The following TIAM2 variants were observed in gnomAD, a reference collection of about 807,000 sequenced individuals.
TIAM2 encodes the protein rho guanine nucleotide exchange factor TIAM2.
In TIAM2, 80 loss-of-function variants were observed where a neutral mutation model predicts 152.9. That is an observed-to-expected ratio of 0.52 (90% CI 0.44 to 0.63). The LOEUF (loss-of-function observed/expected upper bound fraction) is 0.63, where lower values mean the gene tolerates loss of function less well. Ranked by LOEUF, TIAM2 falls within the 30% of genes least tolerant of loss-of-function variation. The pLI is 0.00. For synonymous variants in TIAM2, 804 were observed against 838.0 expected, an observed-to-expected ratio of 0.96 and a Z score of 0.70; for missense variants, 1,965 against 2,120.1, an observed-to-expected ratio of 0.93 and a Z score of 1.44.
At chr6:155,089,218 CG>C (rs1283516766) in intron 1 of TIAM2, among the ~76,000 whole-genome samples, 2 of 131,500 alleles carry the variant, frequency 1.5e-5, no homozygotes, top group Non-Finnish European at 3.2e-5. Flanking sequence ...TGTTTTTTTT[CG>C]GGGGGGTGGG....
chr6:155,252,957 T>G lies in TIAM2; in HGVS notation c.4129T>G (p.Ser1377Ala). 1 of 1,613,976 alleles carries G rather than the reference T, an allele frequency of 6.2e-7. No individual in the cohort carries two copies. The highest frequency in any genetic ancestry group is 8.5e-7 in the Non-Finnish European group (1 of 1,179,938). The change falls in exon 24 of 27, where the codon TCC becomes GCC. Residue 1377 changes from serine (S) to alanine (A), a missense_variant. Coordinates refer to ENST00000682666, the MANE Select transcript of TIAM2 (RefSeq NM_012454.4). ...CKLKKKLPSNSRPAHNSTDLD... is the reference protein window; with the variant it reads ...CKLKKKLPSNARPAHNSTDLD... ...GGCCTTCATGTTACAGCCCTCGAAT[T>G]CCCGGCCTGCACACAACTCTACTGA...
intron 1 of TIAM2, among the ~76,000 whole-genome samples, chr6:155,045,562 T>C (rs903626809): frequency 6.6e-6 from 1 of 152,076 alleles, no homozygotes; most frequent in Admixed American, 6.6e-5. Flanking sequence ...CTCAAATAAG[T>C]TGTGATTTTA....
Position 155,179,021 on chromosome 6 carries a change from CTG to C in TIAM2, c.2524-16_2524-15del. ...GAAAGAGCATTTAAAATCTGAATAA[CTG>C]TCTTTTTCTTTATAGATGAGGCAGT... On this transcript the variant is annotated splice_polypyrimidine_tract_variant and intron_variant, in intron 10 of 26. Transcript: ENST00000682666. 6.3e-7 allele frequency: 1 copy of C among 1,576,486 alleles called. No homozygotes were observed. The highest frequency in any genetic ancestry group is 8.7e-7 in the Non-Finnish European group (1 of 1,151,484).
chr6:155,039,256 T>G (rs780820557), intron 1 of TIAM2, among the ~76,000 whole-genome samples: 17 of 151,980 alleles, frequency 1.1e-4, no homozygotes, highest in Admixed American at 2.0e-4. Flanking sequence ...CCACTATGCC[T>G]GAACCTGTCT....
chr6:155,190,243 CA>C (rs1267153055), intron 14 of TIAM2, among the ~76,000 whole-genome samples: 1 of 152,206 alleles, frequency 6.6e-6, no homozygotes. Flanking sequence ...TCTCTGATCC[CA>C]CCACTCTAGC....
At chr6:155,019,332 T>TA (rs1212661228) in intron 1 of TIAM2, among the ~76,000 whole-genome samples, 1 of 150,650 alleles carries the variant, frequency 6.6e-6, no homozygotes, top group Non-Finnish European at 1.5e-5. Context: ...AGACTCCATC[T>TA]AAAAAAAAGA....
chr6:155,193,367 C>T (rs58892518), intron 14 of TIAM2, among the ~76,000 whole-genome samples: 30,299 of 151,782 alleles, frequency 0.2, 3,199 homozygotes, highest in African/African-American at 0.25. Flanking sequence ...ATTGTGCCAC[C>T]GCACTCAGCC....
At chr6:155,249,742 G>T (rs1307277958) in intron 20 of TIAM2, 109 bp from the exon 21 acceptor site, 2 of 832,692 alleles carry the variant, frequency 2.4e-6, no homozygotes, top group African/African-American at 3.4e-5. Context: ...CTGCTAGTGG[G>T]TACTGGTCTG....
intron 6 of TIAM2, among the ~76,000 whole-genome samples, chr6:155,145,831 T>C (rs756649774): frequency 3.9e-5 from 6 of 152,200 alleles, no homozygotes; most frequent in African/African-American, 9.7e-5. Flanking sequence ...TTAAGCTCCC[T>C]GGGCCTTTAA....
intron 1 of TIAM2, among the ~76,000 whole-genome samples, chr6:155,073,231 C>T (rs545553937): frequency 6.9e-5 from 10 of 145,630 alleles, no homozygotes; most frequent in African/African-American, 2.1e-4. Flanking sequence ...GGCACAATCT[C>T]GGCTCACTGC....
intron 5 of TIAM2, 34 bp downstream of exon 5, chr6:155,137,646 G>T: frequency 6.6e-7 from 1 of 1,520,736 alleles, no homozygotes; most frequent in South Asian, 1.3e-5. Context: ...GGCCACTGGG[G>T]ATTGTTTCCG....
chr6:155,257,477 G>T lies in TIAM2; in HGVS notation c.*356G>T. 9.2e-6 allele frequency: 3 copies of T among 326,916 alleles called. No individual in the cohort carries two copies. Among genetic ancestry groups the T allele is most frequent in the South Asian group, 3.8e-5 (1 of 26,286 alleles). The allele number at this position is 326,916 out of a possible 1,614,324, so 20.3% of individuals were successfully genotyped here. A position where few individuals can be genotyped will look rare whatever the true frequency, so the allele number is the denominator to read the frequency against. On this transcript the variant is annotated 3_prime_UTR_variant, in exon 27 of 27. Transcript: ENST00000682666. Reference sequence around the variant, plus strand: ...AGGGCCATTTTTTAAAATCCTCTGGGCATTTTCTTTCAGCTGTTTGTTAGT... The same window carrying T: ...AGGGCCATTTTTTAAAATCCTCTGGTCATTTTCTTTCAGCTGTTTGTTAGT...
In TIAM2 at chr6:155,011,898, G is replaced by A. The variant is rs559455232; in HGVS notation, c.-209+16406G>A. Among the ~76,000 whole-genome samples, 5 of 152,298 alleles carry A rather than the reference G, an allele frequency of 3.3e-5. No homozygotes were observed. The South Asian group carries it at 6.2e-4, about 19-fold the overall frequency. On this transcript the variant is annotated intron_variant, in intron 1 of 26. Coordinates refer to ENST00000682666, the MANE Select transcript of TIAM2 (RefSeq NM_012454.4). ...GGTTTTGGTGGGTGCCAGATGGTGC[G>A]TAGCTACTGTATGCTTGGAAAATGT...
chr6:155,042,511 C>A (rs1040221257), intron 1 of TIAM2, among the ~76,000 whole-genome samples: 1 of 152,174 alleles, frequency 6.6e-6, no homozygotes, highest in African/African-American at 2.4e-5. Flanking sequence ...GAGAATCAAT[C>A]ACTTGAACCC....
intron 1 of TIAM2, among the ~76,000 whole-genome samples, chr6:154,998,820 T>C (rs1416345001): frequency 6.6e-6 from 1 of 152,174 alleles, no homozygotes. Context: ...AGCTTTCAGA[T>C]TTCCTGGCTT....
intron 4 of TIAM2, among the ~76,000 whole-genome samples, chr6:155,136,653 G>GAA (rs1341489468): frequency 2.0e-5 from 3 of 152,330 alleles, no homozygotes; most frequent in Admixed American, 1.3e-4. Context: ...CACTTGGCCA[G>GAA]AAGCTGGGGA....
intron 14 of TIAM2, among the ~76,000 whole-genome samples, chr6:155,185,586 C>T (rs1332028956): frequency 6.6e-6 from 1 of 151,700 alleles, no homozygotes; most frequent in Admixed American, 6.6e-5. Context: ...TGTTAAATAG[C>T]TATTCTATTA....
intron 15 of TIAM2, among the ~76,000 whole-genome samples, chr6:155,212,772 T>A (rs1032867954): frequency 1.3e-5 from 2 of 151,352 alleles, no homozygotes; most frequent in Non-Finnish European, 2.9e-5. Flanking sequence ...GTGAGCAGAG[T>A]GGTGAGGGGT....
At chr6:155,067,407 C>T (rs1354711433) in intron 1 of TIAM2, among the ~76,000 whole-genome samples, 1 of 152,136 alleles carries the variant, frequency 6.6e-6, no homozygotes, top group East Asian at 1.9e-4. Flanking sequence ...GGCTCCTTCT[C>T]CTTTGATATT....
Sources: allele counts gnomAD v4.1 joint callset (sites outside exome capture counted in the v4.1 genomes callset), GRCh38; gene constraint gnomAD v4.1.1; transcripts MANE v1.5; gene names NCBI Gene and HGNC (gene_info 2026-07-23, HGNC 2026-07-21).